RBFOX1: variants seen among roughly 807,000 people sequenced by gnomAD.
The protein encoded by RBFOX1 is RNA binding protein fox-1 homolog 1.
Under a neutral mutation model 57.7 loss-of-function variants are expected in RBFOX1, and 8 were observed. That is an observed-to-expected ratio of 0.14 (90% confidence interval 0.08 to 0.25). The LOEUF (loss-of-function observed/expected upper bound fraction) is 0.25. Among genes scored for constraint, RBFOX1 ranks in the 10% least tolerant of loss-of-function variants. The pLI is 1.00. For missense variants in RBFOX1, 611 were observed against 548.5 expected (o/e 1.11, Z -1.14); for synonymous variants, 326 against 222.4 (o/e 1.47, Z -4.15).
At chr16:6,552,880 T>C (rs1460746565) in intron 2 of RBFOX1, among the ~76,000 whole-genome samples, 2 of 152,110 alleles carry the variant, frequency 1.3e-5, no homozygotes, top group African/African-American at 4.8e-5. Flanking sequence ...TTTTGTGTTA[T>C]ACATAATATA....
intron 3 of RBFOX1, among the ~76,000 whole-genome samples, chr16:6,816,060 C>T (rs1019813009): frequency 4.6e-5 from 7 of 152,168 alleles, no homozygotes; most frequent in Non-Finnish European, 1.0e-4. Flanking sequence ...CGTGTCCCAG[C>T]ACTTTTGGAG....
At chr16:6,897,176 G>C (rs1186538082) in intron 3 of RBFOX1, among the ~76,000 whole-genome samples, 1 of 152,300 alleles carries the variant, frequency 6.6e-6, no homozygotes, top group South Asian at 2.1e-4. Context: ...GTAGAGTAGA[G>C]ATTTAAACAC....
chr16:6,993,455 G>A (rs190304391), intron 3 of RBFOX1, among the ~76,000 whole-genome samples: 9 of 152,312 alleles, frequency 5.9e-5, no homozygotes, highest in African/African-American at 2.2e-4. Flanking sequence ...GGATCCATCA[G>A]AGTGGGAAGG....
chr16:7,564,987 A>G (rs988231875), intron 5 of RBFOX1, among the ~76,000 whole-genome samples: 1 of 152,126 alleles, frequency 6.6e-6, no homozygotes, highest in Non-Finnish European at 1.5e-5. Context: ...CCAGGCTCGA[A>G]ATGAGGCATT....
chr16:5,541,439 T>C (rs1271113550), intron 2 of RBFOX1, among the ~76,000 whole-genome samples: 1 of 152,036 alleles, frequency 6.6e-6, no homozygotes, highest in Non-Finnish European at 1.5e-5. Context: ...GGGACATTAA[T>C]GAATATAGGT....
At chr16:6,583,884 A>G (rs1248209544) in intron 2 of RBFOX1, among the ~76,000 whole-genome samples, 1 of 152,154 alleles carries the variant, frequency 6.6e-6, no homozygotes, top group Non-Finnish European at 1.5e-5. Flanking sequence ...AAAATGTTAA[A>G]GGCTAATCAG....
At chr16:6,806,335 C>G (rs1430831660) in intron 3 of RBFOX1, among the ~76,000 whole-genome samples, 1 of 151,922 alleles carries the variant, frequency 6.6e-6, no homozygotes, top group African/African-American at 2.4e-5. Context: ...TAATGTCATC[C>G]AAAAAACTAT....
chr16:5,671,668 T>G (rs1379906268), intron 3 of RBFOX1, among the ~76,000 whole-genome samples: 8 of 152,202 alleles, frequency 5.3e-5, no homozygotes, highest in Non-Finnish European at 1.2e-4. Flanking sequence ...GGGCAAGTGA[T>G]CAAAGTGCTA....
chr16:7,647,767 TA>T (rs1450718789), intron 11 of RBFOX1, among the ~76,000 whole-genome samples: 1 of 152,164 alleles, frequency 6.6e-6, no homozygotes, highest in African/African-American at 2.4e-5. Flanking sequence ...TTGGCTTTAT[TA>T]AATAGTCATT....
chr16:5,706,958 G>C (rs1034747870), intron 3 of RBFOX1, among the ~76,000 whole-genome samples: 1 of 152,108 alleles, frequency 6.6e-6, no homozygotes, highest in Non-Finnish European at 1.5e-5. Flanking sequence ...TCCGTTTTCA[G>C]CAGGGAGAAG....
rs145498650 is a variant in RBFOX1, at chr16:7,058,005, G to GAAAAAAAAAAAA, written c.27+5907_27+5908insAAAAAAAAAAAA. The stretch of plus-strand genomic sequence containing the variant: ...TCTGGTCGACAGAGGGAGACTGTGG[G>GAAAAAAAAAAAA]GAAAAAAAAAAAAAAAACACGAAAA... On this transcript the variant is annotated intron_variant, in intron 4 of 15. Transcript: ENST00000550418. 2.5e-5 allele frequency among the ~76,000 whole-genome samples: 3 copies of GAAAAAAAAAAAA among 121,618 alleles called. 1 individual carries two copies. Among genetic ancestry groups the GAAAAAAAAAAAA allele is most frequent in the Non-Finnish European group, 5.0e-5 (3 of 59,912 alleles). 79.8% of individuals were successfully genotyped at this position (121,618 alleles called of 152,430 possible). A position where few individuals can be genotyped will look rare whatever the true frequency, so the allele number is the denominator to read the frequency against.
chr16:6,400,260 C>T (rs1045924618), intron 2 of RBFOX1, among the ~76,000 whole-genome samples: 1 of 151,928 alleles, frequency 6.6e-6, no homozygotes. Context: ...TGTTTTCTGG[C>T]AACAATGGAA....
At chr16:6,164,197 A>T (rs1051943232) in intron 1 of RBFOX1, among the ~76,000 whole-genome samples, 18 of 152,222 alleles carry the variant, frequency 1.2e-4, no homozygotes, top group African/African-American at 3.6e-4. Flanking sequence ...TTACTTGGAC[A>T]TTAGTCTACA....
In RBFOX1 at chr16:7,450,224, T is replaced by C. The variant is rs979110727; in HGVS notation, c.28-67923T>C. 2.0e-5 allele frequency among the ~76,000 whole-genome samples: 3 copies of C among 152,054 alleles called. No individual in the cohort carries two copies. In the South Asian group the frequency reaches 6.2e-4, roughly 32 times the overall value. ...TCCTGGCCAATGTGGTGAAACCCCATCTGTAATAAAAATACAAAAATTAGC... is the reference window on the plus strand; with the variant it reads ...TCCTGGCCAATGTGGTGAAACCCCACCTGTAATAAAAATACAAAAATTAGC... On this transcript the variant is annotated intron_variant, in intron 4 of 15. Coordinates refer to ENST00000550418, the MANE Select transcript of RBFOX1 (RefSeq NM_018723.4).
At chr16:6,529,366 C>T (rs577080273) in intron 2 of RBFOX1, among the ~76,000 whole-genome samples, 19 of 152,194 alleles carry the variant, frequency 1.2e-4, no homozygotes, top group African/African-American at 4.1e-4. Flanking sequence ...GGAGACCAGC[C>T]TGACCAACTT....
chr16:7,095,050 C>G (rs963626494), intron 4 of RBFOX1, among the ~76,000 whole-genome samples: 4 of 152,060 alleles, frequency 2.6e-5, no homozygotes, highest in African/African-American at 9.7e-5. Context: ...ATTTGCAAAT[C>G]TGTCTATATT....
chr16:6,843,658 C>T (rs769593197), intron 3 of RBFOX1, among the ~76,000 whole-genome samples: 3 of 152,190 alleles, frequency 2.0e-5, no homozygotes, highest in Non-Finnish European at 2.9e-5. Flanking sequence ...CACCGCACTC[C>T]AGCCTGGGTG....
At chr16:7,493,765 T>C (rs555450996) in intron 4 of RBFOX1, among the ~76,000 whole-genome samples, 2 of 152,314 alleles carry the variant, frequency 1.3e-5, no homozygotes, top group South Asian at 2.1e-4. Context: ...TTTACGTCAG[T>C]TGAGAAATCA....
intron 3 of RBFOX1, among the ~76,000 whole-genome samples, chr16:6,808,178 G>GTGTGTGTGTGTGTGTATA (rs1318609964): frequency 1.8e-3 from 265 of 145,536 alleles, no homozygotes; most frequent in African/African-American, 6.5e-3. Flanking sequence ...GTGTGTGTGT[G>GTGTGTGTGTGTGTGTATA]TATATATATA....
Sources: allele counts gnomAD v4.1 joint callset (sites outside exome capture counted in the v4.1 genomes callset), GRCh38; gene constraint gnomAD v4.1.1; transcripts MANE v1.5; gene names NCBI Gene and HGNC (gene_info 2026-07-23, HGNC 2026-07-21).